The following RHEB variants were observed in gnomAD, a reference collection of about 807,000 sequenced individuals.
RHEB encodes the protein Ras homolog, mTORC1 binding.
A neutral mutation model predicts 28.8 loss-of-function variants in RHEB; 2 were observed. The ratio of observed to expected loss-of-function variants is 0.07; its 90% confidence interval spans 0.03 to 0.22. The LOEUF (loss-of-function observed/expected upper bound fraction) is 0.22, where lower values mean the gene tolerates loss of function less well. Ranked by LOEUF, RHEB falls within the 10% of genes least tolerant of loss-of-function variation. The probability of loss-of-function intolerance (pLI) is 1.00; values close to 1 mark genes in which losing one functional copy is unlikely to be tolerated. For synonymous variants in RHEB, 69 were observed against 77.3 expected, an observed-to-expected ratio of 0.89 and a Z score of 0.56; for missense variants, 76 against 219.9, an observed-to-expected ratio of 0.35 and a Z score of 4.14.
chr7:151,470,491 G>C, intron 7 of RHEB, 80 bp downstream of exon 7: 1 of 925,542 alleles, frequency 1.1e-6, no homozygotes, highest in Non-Finnish European at 1.7e-6. Flanking sequence ...TCAAGACAGA[G>C]GTCAAATGCC....
intron 4 of RHEB, 33 bp from the exon 5 acceptor site, chr7:151,471,638 T>C: frequency 1.4e-6 from 2 of 1,408,180 alleles, no homozygotes; most frequent in Admixed American, 2.0e-5. Context: ...TAGACATCCA[T>C]TTTAATGTTG....
intron 3 of RHEB, among the ~76,000 whole-genome samples, chr7:151,478,917 G>A (rs1265705257): frequency 6.6e-6 from 1 of 151,764 alleles, no homozygotes; most frequent in African/African-American, 2.4e-5. Flanking sequence ...TTACACGTGT[G>A]AGCCACTGCA....
In RHEB at chr7:151,468,907, A is replaced by G. The variant is rs1229360536; in HGVS notation, c.462+1664T>C. On this transcript the variant is annotated intron_variant, in intron 7 of 7. Transcript: ENST00000262187. This position sits in a 1 kb window ranked among gnomAD's most constrained non-coding sequence, Gnocchi z 4.3. The stretch of plus-strand genomic sequence containing the variant: ...TTCAGTCCTAGTTCTTATACCACGT[A>G]AGGTAGTGGGTGATCTTAGAAAAGT... Among the ~76,000 whole-genome samples the G allele has an allele frequency of 6.6e-6, 1 of 152,250 alleles. No individual in the cohort carries two copies. The highest frequency in any genetic ancestry group is 2.4e-5 in the African/African-American group (1 of 41,456).
chr7:151,505,746 C>T (rs576063192), intron 1 of RHEB, among the ~76,000 whole-genome samples: 1 of 152,232 alleles, frequency 6.6e-6, no homozygotes, highest in Admixed American at 6.5e-5. Flanking sequence ...CTGGGATAAC[C>T]CAAATATCCA....
intron 6 of RHEB, among the ~76,000 whole-genome samples, 184 bp from the exon 7 acceptor site, chr7:151,470,836 G>A (rs1802149116): frequency 6.6e-6 from 1 of 152,194 alleles, no homozygotes; most frequent in African/African-American, 2.4e-5. Context: ...CTGAGCTGGG[G>A]AACAGAATAG....
At chr7:151,483,097 A>G (rs2150925645) in intron 3 of RHEB, among the ~76,000 whole-genome samples, 1 of 152,324 alleles carries the variant, frequency 6.6e-6, no homozygotes, top group South Asian at 2.1e-4. Flanking sequence ...TGAGTGAAGG[A>G]GGCACATGCT....
rs368938412 is a variant in RHEB, at chr7:151,477,432, T to A, written c.193-17A>T. ...ATATTCATCCTGTGGGGAAAAAAAA[T>A]TATCTTTGAGTAGTCTTCATATAGC... On this transcript the variant is annotated splice_polypyrimidine_tract_variant and intron_variant, in intron 3 of 7. Transcript: ENST00000262187. 7.5e-5 allele frequency: 109 copies of A among 1,459,034 alleles called. No homozygotes were observed. The African/African-American group carries it at 1.3e-3, about 17-fold the overall frequency. 90.4% of individuals were successfully genotyped at this position (1,459,034 alleles called of 1,614,324 possible). A position where few individuals can be genotyped will look rare whatever the true frequency, so the allele number is the denominator to read the frequency against.
intron 1 of RHEB, among the ~76,000 whole-genome samples, chr7:151,499,573 A>T (rs1303824686): frequency 6.6e-6 from 1 of 152,256 alleles, no homozygotes; most frequent in Non-Finnish European, 1.5e-5. Context: ...CCCATCACAT[A>T]CATATTCAGT....
In RHEB at chr7:151,504,071, G is replaced by T. The variant is rs149430314; in HGVS notation, c.53-13057C>A. Among the ~76,000 whole-genome samples the T allele has an allele frequency of 3.3e-5, 5 of 152,280 alleles. No homozygotes were observed. The East Asian group carries it at 9.7e-4, about 29-fold the overall frequency. ...AAGCTACCCTGTCTCCCTCCAGACT[G>T]GCAGTTTCAAGGATGCAAACTGCAT... is the stretch of plus-strand genomic sequence containing the variant. On this transcript the variant is annotated intron_variant, in intron 1 of 7. Coordinates refer to ENST00000262187, the MANE Select transcript of RHEB (RefSeq NM_005614.4).
intron 1 of RHEB, among the ~76,000 whole-genome samples, chr7:151,518,438 G>A (rs1319427460): frequency 6.6e-6 from 1 of 152,086 alleles, no homozygotes; most frequent in Non-Finnish European, 1.5e-5. Context: ...CTCAACTGTG[G>A]CCCGGTGCAC....
intron 1 of RHEB, among the ~76,000 whole-genome samples, chr7:151,508,086 G>A (rs1041265415): frequency 2.6e-5 from 4 of 152,200 alleles, no homozygotes; most frequent in African/African-American, 7.2e-5. Flanking sequence ...AATGAAGAAT[G>A]AGTTTTCCTA....
intron 1 of RHEB, among the ~76,000 whole-genome samples, 167 bp from the exon 2 acceptor site, chr7:151,491,181 T>G (rs572183799): frequency 1.3e-5 from 2 of 152,322 alleles, no homozygotes; most frequent in African/African-American, 4.8e-5. Context: ...TGAAATAAAT[T>G]TCATTAATTT....
At chr7:151,480,589 AC>A (rs1455579351) in intron 3 of RHEB, among the ~76,000 whole-genome samples, 1 of 152,042 alleles carries the variant, frequency 6.6e-6, no homozygotes, top group Non-Finnish European at 1.5e-5. Flanking sequence ...TGCGCATTAC[AC>A]CTATTTTTTA....
At chr7:151,469,195 G>T (rs1802116317) in intron 7 of RHEB, among the ~76,000 whole-genome samples, 1 of 152,092 alleles carries the variant, frequency 6.6e-6, no homozygotes, top group Non-Finnish European at 1.5e-5. Context: ...CACATAAGAG[G>T]ACATAACCAC....
chr7:151,493,173 C>T (rs768115174), intron 1 of RHEB, among the ~76,000 whole-genome samples: 1 of 152,102 alleles, frequency 6.6e-6, no homozygotes, highest in Non-Finnish European at 1.5e-5. Context: ...GGCCCACAAA[C>T]ACCAGGCCAT....
intron 4 of RHEB, among the ~76,000 whole-genome samples, chr7:151,474,885 A>G (rs1802245942): frequency 6.6e-6 from 1 of 152,256 alleles, no homozygotes; most frequent in South Asian, 2.1e-4. Flanking sequence ...TATTTCTTGT[A>G]TATTCATAAA....
chr7:151,500,577 A>C (rs748571097), intron 1 of RHEB, among the ~76,000 whole-genome samples: 1 of 152,208 alleles, frequency 6.6e-6, no homozygotes, highest in Non-Finnish European at 1.5e-5. Context: ...CTGCGGCAGT[A>C]GCTCATGGCT....
intron 1 of RHEB, among the ~76,000 whole-genome samples, chr7:151,498,457 TA>T (rs900517588): frequency 9.9e-5 from 15 of 151,458 alleles, no homozygotes; most frequent in East Asian, 1.9e-4. Context: ...CCAGTCTCTA[TA>T]AAAAAAATAC....
intron 1 of RHEB, among the ~76,000 whole-genome samples, chr7:151,516,362 T>C (rs1803078101): frequency 6.6e-6 from 1 of 151,950 alleles, no homozygotes; most frequent in South Asian, 2.1e-4. Flanking sequence ...CAGTGACTCA[T>C]GCCTGTAATC....
Sources: gnomAD v4.1 joint callset for allele counts (sites outside exome capture counted in the v4.1 genomes callset) on GRCh38, gnomAD v4.1.1 for gene constraint, Gnocchi (gnomAD v3.1) non-coding constraint, MANE v1.5 for transcripts, NCBI Gene and HGNC (gene_info 2026-07-23, HGNC 2026-07-21) for gene names.